The following TPD52L3 variants were observed in gnomAD, a reference collection of about 807,000 sequenced individuals.
The protein encoded by TPD52L3 is tumor protein D55.
Under a neutral mutation model 8.7 loss-of-function variants are expected in TPD52L3, and 12 were observed. The ratio of observed to expected loss-of-function variants is 1.38; its 90% CI spans 0.89 to 2.24. TPD52L3 has a LOEUF of 2.24. Among genes scored for constraint, TPD52L3 ranks in the 30% most tolerant of loss-of-function variants. The probability of loss-of-function intolerance (pLI) is 0.00; values close to 1 mark genes in which losing one functional copy is unlikely to be tolerated. For missense variants in TPD52L3, 207 were observed against 158.7 expected, an observed-to-expected ratio of 1.30 and a Z score of -1.64; for synonymous variants, 79 against 66.8, an observed-to-expected ratio of 1.18 and a Z score of -0.89.
Position 6,329,750 on chromosome 9 carries a change from A to ATAT in TPD52L3, c.367+788_367+789insTAT, listed in dbSNP as rs748219425. The stretch of plus-strand genomic sequence containing the variant: ...GTAGTGCACTAATTGTTACATTACT[A>ATAT]ATATAGCTTTTGTAAAACTCGTTTG... On this transcript the variant is annotated intron_variant, in intron 1 of 1. Coordinates refer to ENST00000314556, the MANE Select transcript of TPD52L3 (RefSeq NM_001001874.3). The ATAT allele has an allele frequency of 9.1e-5, 92 of 1,008,480 alleles. 1 individual carries two copies. The highest frequency in any genetic ancestry group is 1.1e-4 in the Non-Finnish European group (88 of 836,002). The allele number at this position is 1,008,480 out of a possible 1,614,324, so 62.5% of individuals were successfully genotyped here. A position where few individuals can be genotyped will look rare whatever the true frequency, so the allele number is the denominator to read the frequency against.
Position 6,328,509 on chromosome 9 carries a change from GATTATT to G in TPD52L3, c.-86_-81del. The G allele has an allele frequency of 2.0e-6, 3 of 1,494,026 alleles. No homozygotes were observed. The highest frequency in any genetic ancestry group is 1.8e-6 in the Non-Finnish European group (2 of 1,114,510). 92.5% of individuals were successfully genotyped at this position (1,494,026 alleles called of 1,614,324 possible). A position where few individuals can be genotyped will look rare whatever the true frequency, so the allele number is the denominator to read the frequency against. On this transcript the variant is annotated 5_prime_UTR_variant, in exon 1 of 2. Coordinates refer to ENST00000314556, the MANE Select transcript of TPD52L3 (RefSeq NM_001001874.3). ...CCTAGATTTCGACTCTGCTGGCCAA[GATTATT>G]TCTCTGCAGCCCAATAATTCGACTC...
intron 1 of TPD52L3, chr9:6,329,865 T>A: frequency 8.5e-7 from 1 of 1,179,772 alleles, no homozygotes; most frequent in East Asian, 4.4e-5. Flanking sequence ...AACTTTGCCT[T>A]GTGCTTTGTT....
Position 6,330,906 on chromosome 9 carries a change from C to G in TPD52L3, c.368-70C>G, listed in dbSNP as rs1028127540. On this transcript the variant is annotated intron_variant, in intron 1 of 1. Coordinates refer to ENST00000314556, the MANE Select transcript of TPD52L3 (RefSeq NM_001001874.3). ...CAGTAGTAAGTTTCCCCAATAAATT[C>G]TCAACTCCGTAAAAGTAGTAAAGTA... is the stretch of plus-strand genomic sequence containing the variant. The G allele has an allele frequency of 6.9e-6, 11 of 1,584,682 alleles. No individual in the cohort carries two copies. In the African/African-American group the frequency reaches 1.2e-4, roughly 18 times the overall value.
Position 6,331,553 on chromosome 9 carries a change from T to C in TPD52L3, c.*534T>C, listed in dbSNP as rs1818150396. ...AAGAAAAAATAAGCAGGGGGCAAAA[T>C]CATAAGTAGTCTTACATACTACATT... On this transcript the variant is annotated 3_prime_UTR_variant, in exon 2 of 2. Coordinates refer to ENST00000314556, the MANE Select transcript of TPD52L3 (RefSeq NM_001001874.3). 1 of 152,120 alleles carries C rather than the reference T, an allele frequency of 6.6e-6. No homozygotes were observed. Among genetic ancestry groups the C allele is most frequent in the Non-Finnish European group, 1.5e-5 (1 of 68,084 alleles). The allele number at this position is 152,120 out of a possible 1,614,324, so 9.4% of individuals were successfully genotyped here.
Position 6,328,928 on chromosome 9 carries a change from C to A in TPD52L3, c.333C>A (p.Gly111=). ...MGTLICRKLG[G]VKKSATFRSF... ...CTCTCATCTGCAGGAAGCTTGGAGGCGTGAAGAAGTCGGCCACATTCAGAT... is the reference window on the plus strand; with the variant it reads ...CTCTCATCTGCAGGAAGCTTGGAGGAGTGAAGAAGTCGGCCACATTCAGAT... Residue 111 remains glycine (G), a synonymous_variant, in exon 1 of 2, where the codon GGC becomes GGA. Coordinates refer to ENST00000314556, the MANE Select transcript of TPD52L3 (RefSeq NM_001001874.3). 2 of 1,614,144 alleles carry A rather than the reference C, an allele frequency of 1.2e-6. No individual in the cohort carries two copies. The highest frequency in any genetic ancestry group is 1.7e-6 in the Non-Finnish European group (2 of 1,180,008).
rs997488925 is a variant in TPD52L3 at position 6,331,133 on chromosome 9, C to G, written c.*114C>G. 9.0e-7 allele frequency: 1 copy of G among 1,108,654 alleles called. No homozygotes were observed. The highest frequency in any genetic ancestry group is 1.3e-6 in the Non-Finnish European group (1 of 752,318). The allele number at this position is 1,108,654 out of a possible 1,614,324, so 68.7% of individuals were successfully genotyped here. On this transcript the variant is annotated 3_prime_UTR_variant, in exon 2 of 2. Coordinates refer to ENST00000314556, the MANE Select transcript of TPD52L3 (RefSeq NM_001001874.3). ...AATATCGTGTTTATTCAAAGCCAAT[C>G]TGAGACCCTACTCTGTATCAAGAAC...
rs538645066 is a variant in TPD52L3 at position 6,330,289 on chromosome 9, A to G, written c.368-687A>G. On this transcript the variant is annotated intron_variant, in intron 1 of 1. Coordinates refer to ENST00000314556, the MANE Select transcript of TPD52L3 (RefSeq NM_001001874.3). The stretch of plus-strand genomic sequence containing the variant: ...TTTCTGATATCTGATTTTCACACGA[A>G]TATACTTTTTGTTTGTTTTCCTTTT... 1.1e-4 allele frequency: 182 copies of G among 1,588,704 alleles called. 1 individual carries two copies. The African/African-American group carries it at 2.3e-3, about 20-fold the overall frequency.
intron 1 of TPD52L3, chr9:6,330,339 G>A: frequency 1.3e-6 from 2 of 1,504,298 alleles, no homozygotes; most frequent in Non-Finnish European, 8.9e-7. Context: ...CCAAGATCTG[G>A]GAGCCTCTTT....
At position 6,328,426 on chromosome 9, in the gene TPD52L3, C is replaced by G. The variant is rs1422862925; in HGVS notation, c.-170C>G. ...CAAGGTGTCCATTGTACCAGCTGGG[C>G]CATGGATCCCTCCCGCCTGAAATCT... On this transcript the variant is annotated 5_prime_UTR_variant, in exon 1 of 2. Coordinates refer to ENST00000314556, the MANE Select transcript of TPD52L3 (RefSeq NM_001001874.3). The G allele has an allele frequency of 2.6e-5, 19 of 739,168 alleles. No homozygotes were observed. The East Asian group carries it at 5.0e-4, about 19-fold the overall frequency. The allele number at this position is 739,168 out of a possible 1,614,324, so 45.8% of individuals were successfully genotyped here.
At chr9:6,329,922 T>A (rs1818113093) in intron 1 of TPD52L3, 1 of 1,298,010 alleles carries the variant, frequency 7.7e-7, no homozygotes, top group Non-Finnish European at 9.8e-7. Flanking sequence ...GTTTAACCCT[T>A]GAAGCAGCAT....
In TPD52L3 at chr9:6,331,869, A is replaced by C. The variant is rs1818156841; in HGVS notation, c.*850A>C. The C allele has an allele frequency of 6.6e-6, 1 of 152,146 alleles. No individual in the cohort carries two copies. The highest frequency in any genetic ancestry group is 1.9e-4 in the East Asian group (1 of 5,192). 9.4% of individuals were successfully genotyped at this position (152,146 alleles called of 1,614,324 possible). A position where few individuals can be genotyped will look rare whatever the true frequency, so the allele number is the denominator to read the frequency against. On this transcript the variant is annotated 3_prime_UTR_variant, in exon 2 of 2. Transcript: ENST00000314556. ...TATCAGTGGTCATGGGCACCAAATA[A>C]AATGCTTCCATGAACATTTGGATTC...
chr9:6,330,447 T>A lies in TPD52L3; in HGVS notation c.368-529T>A, dbSNP rs1028659453. ...TGGGTACATTTCAGTAATCTCTCACTGCCTAAAATGGTAATCCCTCCAGCC... is the reference window on the plus strand; with the variant it reads ...TGGGTACATTTCAGTAATCTCTCACAGCCTAAAATGGTAATCCCTCCAGCC... On this transcript the variant is annotated intron_variant, in intron 1 of 1. Coordinates refer to ENST00000314556, the MANE Select transcript of TPD52L3 (RefSeq NM_001001874.3). The A allele has an allele frequency of 3.0e-6, 4 of 1,326,778 alleles. No homozygotes were observed. The East Asian group carries it at 1.2e-4, about 39-fold the overall frequency. 82.2% of individuals were successfully genotyped at this position (1,326,778 alleles called of 1,614,324 possible).
chr9:6,329,884 C>A lies in TPD52L3; in HGVS notation c.367+922C>A, dbSNP rs1023275654. The A allele has an allele frequency of 6.6e-6, 8 of 1,220,048 alleles. No individual in the cohort carries two copies. In the South Asian group the frequency reaches 2.4e-4, roughly 37 times the overall value. 75.6% of individuals were successfully genotyped at this position (1,220,048 alleles called of 1,614,324 possible). On this transcript the variant is annotated intron_variant, in intron 1 of 1. Coordinates refer to ENST00000314556, the MANE Select transcript of TPD52L3 (RefSeq NM_001001874.3). ...TTGCCTTGTGCTTTGTTTATAATTT[C>A]TTTATATATCAAAATGAGTGTTTTA...
At chr9:6,329,059 G>A in intron 1 of TPD52L3, 97 bp downstream of exon 1, 3 of 1,590,196 alleles carry the variant, frequency 1.9e-6, no homozygotes, top group Non-Finnish European at 2.6e-6. Flanking sequence ...TCTGCTCTCA[G>A]TTTTGGGGTG....
chr9:6,328,427 C>A lies in TPD52L3; in HGVS notation c.-169C>A. 1 of 762,192 alleles carries A rather than the reference C, an allele frequency of 1.3e-6. No individual in the cohort carries two copies. Among genetic ancestry groups the A allele is most frequent in the Non-Finnish European group, 2.1e-6 (1 of 472,848 alleles). 47.2% of individuals were successfully genotyped at this position (762,192 alleles called of 1,614,324 possible). A position where few individuals can be genotyped will look rare whatever the true frequency, so the allele number is the denominator to read the frequency against. ...AAGGTGTCCATTGTACCAGCTGGGC[C>A]ATGGATCCCTCCCGCCTGAAATCTG... On this transcript the variant is annotated 5_prime_UTR_variant, in exon 1 of 2. Transcript: ENST00000314556.
chr9:6,330,198 A>C lies in TPD52L3; in HGVS notation c.368-778A>C, dbSNP rs550651144. Reference sequence around the variant, plus strand: ...TCTTTTTAGGAAACCCTAAAGGAGAAGGAAGCAGAATATAACCCTCTGGAG... The same window carrying C: ...TCTTTTTAGGAAACCCTAAAGGAGACGGAAGCAGAATATAACCCTCTGGAG... On this transcript the variant is annotated intron_variant, in intron 1 of 1. Transcript: ENST00000314556. The C allele has an allele frequency of 1.8e-5, 29 of 1,614,000 alleles. No individual in the cohort carries two copies. The Admixed American group carries it at 2.2e-4, about 12-fold the overall frequency.
intron 1 of TPD52L3, chr9:6,330,608 C>T (rs949540002): frequency 1.7e-5 from 20 of 1,168,366 alleles, no homozygotes; most frequent in Non-Finnish European, 2.0e-5. Flanking sequence ...TATCCCAACC[C>T]TCCACAGATT....
chr9:6,331,528 A>G lies in TPD52L3; in HGVS notation c.*509A>G, dbSNP rs1818149968. ...GGAGGGGAAATGGTGTTACGTGAGT[A>G]AGAAAAAATAAGCAGGGGGCAAAAT... is the stretch of plus-strand genomic sequence containing the variant. On this transcript the variant is annotated 3_prime_UTR_variant, in exon 2 of 2. Transcript: ENST00000314556. 1 of 152,320 alleles carries G rather than the reference A, an allele frequency of 6.6e-6. No homozygotes were observed. Among genetic ancestry groups the G allele is most frequent in the Non-Finnish European group, 1.5e-5 (1 of 68,124 alleles). The allele number at this position is 152,320 out of a possible 1,614,324, so 9.4% of individuals were successfully genotyped here. A position where few individuals can be genotyped will look rare whatever the true frequency, so the allele number is the denominator to read the frequency against.
At chr9:6,330,199 G>C (rs146861149) in intron 1 of TPD52L3, 1 of 1,613,962 alleles carries the variant, frequency 6.2e-7, no homozygotes, top group Non-Finnish European at 8.5e-7. Context: ...TAAAGGAGAA[G>C]GAAGCAGAAT....
Sources: gnomAD v4.1 joint callset for allele counts on GRCh38, gnomAD v4.1.1 for gene constraint, MANE v1.5 for transcripts, NCBI Gene and HGNC (gene_info 2026-07-23, HGNC 2026-07-21) for gene names.